Variants in GRK3 observed in about 807,000 individuals in gnomAD.
The protein encoded by GRK3 is G protein-coupled receptor kinase 3.
In GRK3, 54 loss-of-function variants were observed where a neutral mutation model predicts 95.7. That is an observed-to-expected ratio of 0.56 (90% CI 0.45 to 0.71). The LOEUF (loss-of-function observed/expected upper bound fraction) is 0.71. GRK3 is among the 30% of genes least tolerant of loss of function. The pLI is 0.00. For synonymous variants in GRK3, 281 were observed against 290.8 expected (o/e 0.97, Z 0.34); for missense variants, 649 against 851.2 (o/e 0.76, Z 2.96).
chr22:25,643,001 T>C (rs1166201439), intron 2 of GRK3, among the ~76,000 whole-genome samples: 85 of 152,144 alleles, frequency 5.6e-4, no homozygotes, highest in Non-Finnish European at 5.9e-5. Flanking sequence ...AGAAAATCAG[T>C]GTCTGAAAAA....
chr22:25,648,919 C>T, intron 3 of GRK3: 4 of 885,322 alleles, frequency 4.5e-6, no homozygotes, highest in South Asian at 1.3e-5. Context: ...ATCAAATGGA[C>T]AGCTCCTGAA....
intron 1 of GRK3, among the ~76,000 whole-genome samples, chr22:25,573,971 C>A (rs761597059): frequency 1.6e-4 from 25 of 152,172 alleles, no homozygotes; most frequent in Non-Finnish European, 3.1e-4. Flanking sequence ...AACACCACCA[C>A]CAACAACAAA....
chr22:25,590,541 G>A (rs750587249), intron 1 of GRK3, among the ~76,000 whole-genome samples: 6 of 152,126 alleles, frequency 3.9e-5, no homozygotes, highest in Non-Finnish European at 8.8e-5. Flanking sequence ...AAACAAACAG[G>A]CCGGGCGCGG....
chr22:25,695,280 A>C, intron 13 of GRK3, 66 bp downstream of exon 13: 2 of 1,107,322 alleles, frequency 1.8e-6, no homozygotes, highest in Non-Finnish European at 1.4e-6. Flanking sequence ...AAAACTGAGA[A>C]TATGTAGAAA....
intron 12 of GRK3, 142 bp from the exon 13 acceptor site, chr22:25,694,965 C>T (rs1569199297): frequency 7.1e-6 from 4 of 566,224 alleles, no homozygotes; most frequent in East Asian, 5.5e-5. Context: ...CAGTGCATCA[C>T]GTTTGCGGTG....
At chr22:25,616,690 G>A (rs556486362) in intron 2 of GRK3, among the ~76,000 whole-genome samples, 31 of 152,298 alleles carry the variant, frequency 2.0e-4, no homozygotes, top group African/African-American at 6.7e-4. Flanking sequence ...GGAATTCCCA[G>A]TTTTGAAGAT....
At chr22:25,590,018 C>T (rs759142317) in intron 1 of GRK3, among the ~76,000 whole-genome samples, 4 of 152,182 alleles carry the variant, frequency 2.6e-5, no homozygotes, top group African/African-American at 7.2e-5. Flanking sequence ...TCCCTCAACT[C>T]GTGGGAATTA....
At chr22:25,594,248 T>C (rs2084356218) in intron 1 of GRK3, among the ~76,000 whole-genome samples, 1 of 152,188 alleles carries the variant, frequency 6.6e-6, no homozygotes, top group Non-Finnish European at 1.5e-5. Context: ...GGAACGTTCT[T>C]CCATTTGTGT....
At chr22:25,690,832 T>A (rs1292365429) in intron 12 of GRK3, among the ~76,000 whole-genome samples, 1 of 152,126 alleles carries the variant, frequency 6.6e-6, no homozygotes, top group Non-Finnish European at 1.5e-5. Flanking sequence ...AAACAAATCA[T>A]CTGCTTGCAG....
At chr22:25,645,376 G>A (rs2084773545) in intron 3 of GRK3, among the ~76,000 whole-genome samples, 1 of 152,116 alleles carries the variant, frequency 6.6e-6, no homozygotes, top group East Asian at 1.9e-4. Flanking sequence ...CAGGCAGATG[G>A]GCATCCAGGC....
At chr22:25,627,362 C>A (rs1363111421) in intron 2 of GRK3, among the ~76,000 whole-genome samples, 1 of 152,214 alleles carries the variant, frequency 6.6e-6, no homozygotes, top group Non-Finnish European at 1.5e-5. Flanking sequence ...GAAGGCCAAC[C>A]CTCCCTGAGC....
chr22:25,697,897 A>G (rs2085222439), intron 13 of GRK3, among the ~76,000 whole-genome samples: 1 of 152,290 alleles, frequency 6.6e-6, no homozygotes, highest in South Asian at 2.1e-4. Flanking sequence ...CATTCCTTCT[A>G]TTGTTTGTTC....
rs3223258 is a variant in GRK3 at position 25,726,912 on chromosome 22, C to CGTGTGT, written c.*4502_*4507dup. 0.045 allele frequency: 6,170 copies of CGTGTGT among 137,898 alleles called. 204 individuals are homozygous for CGTGTGT. Among genetic ancestry groups the CGTGTGT allele is most frequent in the East Asian group, 0.16 (682 of 4,390 alleles). 8.5% of individuals were successfully genotyped at this position (137,898 alleles called of 1,614,324 possible). A position where few individuals can be genotyped will look rare whatever the true frequency, so the allele number is the denominator to read the frequency against. Reference sequence around the variant, plus strand: ...TTACCAGGCCATCTCCAAAACACCCCGTGTGTGTGTGTGTGTGTGTGTGTG... The same window carrying CGTGTGT: ...TTACCAGGCCATCTCCAAAACACCCCGTGTGTGTGTGTGTGTGTGTGTGTGTGTGTG... On this transcript the variant is annotated 3_prime_UTR_variant, in exon 21 of 21. Coordinates refer to ENST00000324198, the MANE Select transcript of GRK3 (RefSeq NM_005160.4).
At chr22:25,669,423 C>G (rs1220496713) in intron 6 of GRK3, among the ~76,000 whole-genome samples, 2 of 152,216 alleles carry the variant, frequency 1.3e-5, no homozygotes, top group East Asian at 1.9e-4. Flanking sequence ...AGTTGCTCAG[C>G]AGGACAACGA....
At chr22:25,700,205 A>G (rs1601536465) in intron 13 of GRK3, among the ~76,000 whole-genome samples, 1 of 152,362 alleles carries the variant, frequency 6.6e-6, no homozygotes, top group Admixed American at 6.5e-5. Flanking sequence ...TGAGCCGCTC[A>G]TATGTGCTAT....
At position 25,704,354 on chromosome 22, in the gene GRK3, T is replaced by G. The variant is rs2085283189; in HGVS notation, c.1328+145T>G. ...AAAAAAATAAATCACATGGGAAATA[T>G]ACAAATATTGTCCTATGTGTTTTAT... On this transcript the variant is annotated intron_variant, in intron 15 of 20. Transcript: ENST00000324198. 3 of 615,842 alleles carry G rather than the reference T, an allele frequency of 4.9e-6. No homozygotes were observed. In the East Asian group the frequency reaches 8.6e-5, roughly 18 times the overall value. The allele number at this position is 615,842 out of a possible 1,614,324, so 38.1% of individuals were successfully genotyped here.
intron 15 of GRK3, among the ~76,000 whole-genome samples, chr22:25,709,121 T>A (rs1337900856): frequency 1.3e-5 from 2 of 151,958 alleles, no homozygotes; most frequent in East Asian, 3.9e-4. Context: ...CACTGCAAGC[T>A]CCACCTCCCG....
At chr22:25,663,839 G>T in intron 5 of GRK3, 135 bp downstream of exon 5, 1 of 608,708 alleles carries the variant, frequency 1.6e-6, no homozygotes. Context: ...AGCTTTGTCT[G>T]GGACTATTTG....
chr22:25,703,626 T>A (rs764234945), intron 14 of GRK3, 50 bp downstream of exon 14: 5 of 1,273,682 alleles, frequency 3.9e-6, no homozygotes, highest in Non-Finnish European at 5.7e-6. Flanking sequence ...TTGTCATGCT[T>A]CATTCCGTCA....
Sources: gnomAD v4.1 joint callset for allele counts (sites outside exome capture counted in the v4.1 genomes callset) on GRCh38, gnomAD v4.1.1 for gene constraint, MANE v1.5 for transcripts, NCBI Gene and HGNC (gene_info 2026-07-23, HGNC 2026-07-21) for gene names.